Variants in ALPK1 observed in about 807,000 individuals in gnomAD.
ALPK1 encodes alpha-protein kinase 1.
ALPK1 carries 110 observed loss-of-function variants against 120.6 expected under a neutral mutation model. That is an observed-to-expected ratio of 0.91 (90% confidence interval 0.78 to 1.07). The LOEUF (loss-of-function observed/expected upper bound fraction) is 1.07, where lower values mean the gene tolerates loss of function less well. ALPK1 is among the 50% of genes least tolerant of loss of function. The pLI, the probability that ALPK1 is intolerant of heterozygous loss-of-function variation, is 0.00. For synonymous variants in ALPK1, 582 were observed against 560.3 expected, an observed-to-expected ratio of 1.04 and a Z score of -0.55; for missense variants, 1,498 against 1,483.9, an observed-to-expected ratio of 1.01 and a Z score of -0.16.
At chr4:112,351,453 TA>T (rs34711804) in intron 2 of ALPK1, among the ~76,000 whole-genome samples, 21 of 149,644 alleles carry the variant, frequency 1.4e-4, no homozygotes, top group African/African-American at 3.9e-4. Flanking sequence ...TACTTTGCTT[TA>T]AAAAAAAAAT....
At chr4:112,307,658 G>A (rs1377015661) in intron 1 of ALPK1, among the ~76,000 whole-genome samples, 1 of 152,018 alleles carries the variant, frequency 6.6e-6, no homozygotes, top group Non-Finnish European at 1.5e-5. Context: ...CATGAGATGG[G>A]TCTCCTGAAT....
intron 2 of ALPK1, among the ~76,000 whole-genome samples, chr4:112,345,971 C>CCGGGAG (rs1730084391): frequency 1.3e-5 from 2 of 152,206 alleles, no homozygotes; most frequent in Non-Finnish European, 2.9e-5. Context: ...TCAAGCAATT[C>CCGGGAG]TCCTGTCTCA....
At chr4:112,420,577 G>A (rs1343535718) in intron 5 of ALPK1, among the ~76,000 whole-genome samples, 1 of 152,276 alleles carries the variant, frequency 6.6e-6, no homozygotes, top group Admixed American at 6.5e-5. Context: ...ATGCAATGGG[G>A]ATATAGGAAA....
At chr4:112,367,904 AT>A (rs904437972) in intron 2 of ALPK1, among the ~76,000 whole-genome samples, 10 of 151,566 alleles carry the variant, frequency 6.6e-5, no homozygotes, top group Admixed American at 2.6e-4. Context: ...AGAGCTAATT[AT>A]TTTTTTTTCT....
chr4:112,329,467 T>G (rs1729264686), intron 2 of ALPK1, among the ~76,000 whole-genome samples: 1 of 152,198 alleles, frequency 6.6e-6, no homozygotes, highest in Non-Finnish European at 1.5e-5. Context: ...TTTCACTTCT[T>G]TATTTCAAAA....
chr4:112,354,394 G>A (rs1730503789), intron 2 of ALPK1, among the ~76,000 whole-genome samples: 2 of 151,794 alleles, frequency 1.3e-5, no homozygotes, highest in Admixed American at 1.3e-4. Context: ...CATATACTGA[G>A]CTCTATAATA....
intron 4 of ALPK1, among the ~76,000 whole-genome samples, chr4:112,385,249 T>A (rs184369893): frequency 1.2e-3 from 184 of 152,288 alleles, no homozygotes; most frequent in African/African-American, 4.4e-3. Flanking sequence ...TAATGTGAGT[T>A]GGGAGAGAAG....
At chr4:112,344,475 C>G (rs1456560622) in intron 2 of ALPK1, among the ~76,000 whole-genome samples, 1 of 152,140 alleles carries the variant, frequency 6.6e-6, no homozygotes, top group Non-Finnish European at 1.5e-5. Flanking sequence ...ATTGATTCAT[C>G]AGTAAATTGG....
chr4:112,411,814 G>A lies in ALPK1; in HGVS notation c.277-13G>A, dbSNP rs1436623345. The A allele has an allele frequency of 5.0e-6, 8 of 1,602,776 alleles. No individual in the cohort carries two copies. Among genetic ancestry groups the A allele is most frequent in the African/African-American group, 2.7e-5 (2 of 74,626 alleles). Reference sequence around the variant, plus strand: ...TTCCGCCTGGCTCACGATGTTCCACGCTGTTCCTCCAGGCGTCCCTGAGGG... The same window carrying A: ...TTCCGCCTGGCTCACGATGTTCCACACTGTTCCTCCAGGCGTCCCTGAGGG... On this transcript the variant is annotated splice_polypyrimidine_tract_variant and intron_variant, in intron 4 of 15. Transcript: ENST00000650871.
intron 2 of ALPK1, among the ~76,000 whole-genome samples, chr4:112,318,541 G>A (rs962446139): frequency 1.3e-5 from 2 of 152,220 alleles, no homozygotes; most frequent in African/African-American, 4.8e-5. Context: ...TGGAAGACTG[G>A]AGTATATGCA....
intron 1 of ALPK1, among the ~76,000 whole-genome samples, chr4:112,312,325 G>A (rs933694036): frequency 6.6e-6 from 1 of 151,712 alleles, no homozygotes; most frequent in Non-Finnish European, 1.5e-5. Flanking sequence ...CCAGGCTGGA[G>A]TGCAGTGGCC....
At chr4:112,336,943 G>A (rs1729645488) in intron 2 of ALPK1, among the ~76,000 whole-genome samples, 1 of 151,824 alleles carries the variant, frequency 6.6e-6, no homozygotes, top group Non-Finnish European at 1.5e-5. Flanking sequence ...TCTTCAACCA[G>A]TCTTAATCAT....
chr4:112,424,053 A>G, intron 6 of ALPK1, 50 bp downstream of exon 6: 3 of 1,552,134 alleles, frequency 1.9e-6, no homozygotes, highest in Non-Finnish European at 2.7e-6. Flanking sequence ...CCCCGAACAG[A>G]GCACTCATTT....
Position 112,359,712 on chromosome 4 carries a change from TCC to T in ALPK1, c.-100-17964_-100-17963del, listed in dbSNP as rs375256860. The T allele has an allele frequency of 1.1e-4, 29 of 261,640 alleles. No homozygotes were observed. The East Asian group carries it at 2.8e-3, about 25-fold the overall frequency. The allele number at this position is 261,640 out of a possible 1,614,324, so 16.2% of individuals were successfully genotyped here. A position where few individuals can be genotyped will look rare whatever the true frequency, so the allele number is the denominator to read the frequency against. ...AGGGCGAAGCCAGTCCCCTGGACTT[TCC>T]CACGGGCATGCAGTATCTGAGTGGG... On this transcript the variant is annotated intron_variant, in intron 2 of 15. Transcript: ENST00000650871.
chr4:112,435,388 G>T, intron 12 of ALPK1, 87 bp downstream of exon 12: 2 of 1,332,990 alleles, frequency 1.5e-6, no homozygotes, highest in Admixed American at 2.5e-5. Context: ...ACTTCGTAGG[G>T]GCTGAAAAAC....
chr4:112,382,013 GC>G (rs1560662732), intron 3 of ALPK1, among the ~76,000 whole-genome samples: 3 of 152,312 alleles, frequency 2.0e-5, no homozygotes, highest in East Asian at 1.9e-4. Flanking sequence ...TCATCCACCT[GC>G]CACAAGCCCA....
At chr4:112,356,415 A>G (rs1730615273) in intron 2 of ALPK1, 4 of 862,300 alleles carry the variant, frequency 4.6e-6, no homozygotes, top group East Asian at 2.4e-5. Context: ...TGCTGCTGAT[A>G]ATGGAGACCC....
intron 2 of ALPK1, chr4:112,358,095 G>GCCCCC: frequency 1.7e-6 from 1 of 587,024 alleles, no homozygotes; most frequent in African/African-American, 1.8e-5. Context: ...TTGTCCTTAA[G>GCCCCC]ATGCGAGATG....
chr4:112,317,586 C>G (rs1181640575), intron 2 of ALPK1, among the ~76,000 whole-genome samples: 1 of 152,072 alleles, frequency 6.6e-6, no homozygotes, highest in African/African-American at 2.4e-5. Context: ...TCTTATACAT[C>G]GATGGTCTAT....
Sources: gnomAD v4.1 joint callset for allele counts (sites outside exome capture counted in the v4.1 genomes callset) on GRCh38, gnomAD v4.1.1 for gene constraint, MANE v1.5 for transcripts, NCBI Gene and HGNC (gene_info 2026-07-23, HGNC 2026-07-21) for gene names.